Variants in SLC13A4 observed in about 807,000 individuals in gnomAD.
The protein encoded by SLC13A4 is solute carrier family 13 member 4.
A neutral mutation model predicts 72.7 loss-of-function variants in SLC13A4; 28 were observed. The observed-to-expected ratio is 0.39, with a 90% CI of 0.29 to 0.53. The LOEUF (loss-of-function observed/expected upper bound fraction) is 0.53. SLC13A4 is among the 20% of genes least tolerant of loss of function. The probability of loss-of-function intolerance (pLI) is 0.78; values close to 1 mark genes in which losing one functional copy is unlikely to be tolerated. For missense variants in SLC13A4, 653 were observed against 788.0 expected, an observed-to-expected ratio of 0.83 and a Z score of 2.05; for synonymous variants, 312 against 325.5, an observed-to-expected ratio of 0.96 and a Z score of 0.45.
chr7:135,725,006 T>C (rs780841810), intron 1 of SLC13A4, among the ~76,000 whole-genome samples: 11 of 152,222 alleles, frequency 7.2e-5, no homozygotes, highest in Non-Finnish European at 1.0e-4. Flanking sequence ...GGCTGTCAGG[T>C]CTCGCTCATC....
chr7:135,684,277 C>T lies in SLC13A4; in HGVS notation c.1609-16G>A. 1 of 1,582,562 alleles carries T rather than the reference C, an allele frequency of 6.3e-7. No homozygotes were observed. The highest frequency in any genetic ancestry group is 8.6e-7 in the Non-Finnish European group (1 of 1,159,968). On this transcript the variant is annotated splice_polypyrimidine_tract_variant and intron_variant, in intron 14 of 15. Coordinates refer to ENST00000682651, the MANE Select transcript of SLC13A4 (RefSeq NM_001318192.2). Reference sequence around the variant, plus strand: ...GCGTTTCAGACTAGAAGAGAGAATTCACAGAAACATTCACGAGATTAGGCT... The same window carrying T: ...GCGTTTCAGACTAGAAGAGAGAATTTACAGAAACATTCACGAGATTAGGCT...
At chr7:135,717,577 C>T (rs1796457650) in intron 2 of SLC13A4, among the ~76,000 whole-genome samples, 1 of 152,206 alleles carries the variant, frequency 6.6e-6, no homozygotes, top group Admixed American at 6.5e-5. Context: ...GCCCTTCTGT[C>T]ATTTTGTATC....
rs147911066 is a variant in SLC13A4 at position 135,689,808 on chromosome 7, C to T, written c.1446+1393G>A. On this transcript the variant is annotated intron_variant, in intron 13 of 15. Coordinates refer to ENST00000682651, the MANE Select transcript of SLC13A4 (RefSeq NM_001318192.2). ...CTCACCATGGGCAGGAGATAGGACT[C>T]ATTGTTTTCTAAGGTTCTCCTTAGT... Among the ~76,000 whole-genome samples the T allele has an allele frequency of 3.5e-4, 54 of 152,176 alleles. 1 individual carries two copies. The East Asian group carries it at 8.9e-3, about 25-fold the overall frequency.
chr7:135,692,705 G>T, intron 10 of SLC13A4: 1 of 345,008 alleles, frequency 2.9e-6, no homozygotes, highest in South Asian at 3.8e-5. Context: ...CCTACAAGGA[G>T]AGTGCAGTGA....
At chr7:135,716,636 G>T (rs146602543) in intron 2 of SLC13A4, among the ~76,000 whole-genome samples, 1 of 152,312 alleles carries the variant, frequency 6.6e-6, no homozygotes, top group Non-Finnish European at 1.5e-5. Flanking sequence ...TTCAACGGAG[G>T]ATTTTGGTCA....
chr7:135,721,639 A>G, intron 1 of SLC13A4, 116 bp from the exon 2 acceptor site: 3 of 1,379,020 alleles, frequency 2.2e-6, no homozygotes, highest in East Asian at 2.5e-5. Flanking sequence ...GTACTAGGAT[A>G]CAGCCCAGGG....
intron 9 of SLC13A4, 45 bp downstream of exon 9, chr7:135,695,323 A>G: frequency 6.2e-7 from 1 of 1,611,120 alleles, no homozygotes; most frequent in South Asian, 1.1e-5. Context: ...CCTTTGGATC[A>G]ACAGGGGGGC....
At position 135,723,855 on chromosome 7, in the gene SLC13A4, A is replaced by T. The variant is rs1355436668; in HGVS notation, c.100-2332T>A. Among the ~76,000 whole-genome samples the T allele has an allele frequency of 5.9e-4, 90 of 152,310 alleles. 1 individual carries two copies. The highest frequency in any genetic ancestry group is 4.7e-4 in the Non-Finnish European group (32 of 68,040). On this transcript the variant is annotated intron_variant, in intron 1 of 15. Coordinates refer to ENST00000682651, the MANE Select transcript of SLC13A4 (RefSeq NM_001318192.2). ...CTGAGATGTTCTCTGGGGCCAAAAG[A>T]TCAGAGGGAAGATAAAACTTTTGGA...
At chr7:135,689,306 G>T (rs576199965) in intron 13 of SLC13A4, among the ~76,000 whole-genome samples, 4 of 152,116 alleles carry the variant, frequency 2.6e-5, no homozygotes, top group African/African-American at 4.8e-5. Context: ...AAATATTGAT[G>T]GCATATATAT....
rs190528375 is a variant in SLC13A4, at chr7:135,705,612, T to A, written c.577A>T (p.Ile193Phe). Residue 193 changes from isoleucine to phenylalanine, a missense_variant, in exon 5 of 16, where the codon ATC becomes TTC. Transcript: ENST00000682651. Reference protein sequence around the residue: ...VKNSQPSLELIFVNEDRSNAD... With the variant: ...VKNSQPSLELFFVNEDRSNAD... ...CATACTCACTCTTCATTGACAAAGA[T>A]GAGTTCCAGAGAAGGTTGGCTGTTC... The A allele has an allele frequency of 6.2e-7, 1 of 1,613,832 alleles. No individual in the cohort carries two copies. The highest frequency in any genetic ancestry group is 2.2e-5 in the East Asian group (1 of 44,884).
chr7:135,682,256 C>A (rs1444824363), intron 15 of SLC13A4, among the ~76,000 whole-genome samples: 2 of 152,130 alleles, frequency 1.3e-5, no homozygotes, highest in Non-Finnish European at 2.9e-5. Flanking sequence ...TGGAATGGAG[C>A]CTTTGCTTCT....
chr7:135,688,690 A>T (rs1185962558), intron 13 of SLC13A4, among the ~76,000 whole-genome samples: 1 of 152,240 alleles, frequency 6.6e-6, no homozygotes. Flanking sequence ...AACTCTTGGT[A>T]TGAAAACATT....
chr7:135,702,907 G>A (rs202226956), intron 5 of SLC13A4, 23 bp from the exon 6 acceptor site: 2 of 1,606,562 alleles, frequency 1.2e-6, no homozygotes, highest in Non-Finnish European at 1.7e-6. Context: ...AGAGGACACA[G>A]GAGCCACGTC....
intron 5 of SLC13A4, chr7:135,703,216 A>G (rs1796081467): frequency 6.7e-6 from 2 of 297,546 alleles, no homozygotes; most frequent in Non-Finnish European, 1.3e-5. Flanking sequence ...TCCTCATCAC[A>G]GATCTATGGT....
At chr7:135,709,469 G>A (rs961335458) in intron 2 of SLC13A4, among the ~76,000 whole-genome samples, 3 of 149,626 alleles carry the variant, frequency 2.0e-5, no homozygotes, top group Non-Finnish European at 4.4e-5. Context: ...ACCCAGGCTG[G>A]AGTGCAGTGG....
In SLC13A4 at chr7:135,691,297, G is replaced by T; in HGVS notation, c.1350C>A (p.Thr450=). 1 of 1,613,496 alleles carries T rather than the reference G, an allele frequency of 6.2e-7. No homozygotes were observed. Among genetic ancestry groups the T allele is most frequent in the Non-Finnish European group, 8.5e-7 (1 of 1,179,754 alleles). ...DGENQEHSLG[T]EPIITWKDFQ... is the part of the protein sequence containing the mutation. Reference sequence around the variant, plus strand: ...AGTCCTTCCACGTGATGATGGGCTCGGTCCCCAGTGAGTGCTCCTGGTTCT... The same window carrying T: ...AGTCCTTCCACGTGATGATGGGCTCTGTCCCCAGTGAGTGCTCCTGGTTCT... Residue 450 remains threonine (T), a synonymous_variant, in exon 13 of 16, where the codon ACC becomes ACA. Coordinates refer to ENST00000682651, the MANE Select transcript of SLC13A4 (RefSeq NM_001318192.2).
intron 6 of SLC13A4, 190 bp from the exon 7 acceptor site, chr7:135,701,950 T>C (rs3112342): frequency 0.66 from 351,538 of 531,168 alleles, 117,931 homozygotes; most frequent in East Asian, 0.86. Context: ...TGGTGTCAAG[T>C]TCTCCACTTG....
Position 135,706,167 on chromosome 7 carries a change from C to T in SLC13A4, c.499G>A (p.Val167Met), listed in dbSNP as rs751001670. ...TCTTCGGTGTTGGAGTTGCCCGCCA[C>T]GAGCTGCTCGTCCTCAGCACTGACC... The part of the protein sequence containing the change: ...ELVSAEDEQL[V>M]AGNSNTEEAE... Residue 167 changes from valine (V) to methionine (M), a missense_variant, in exon 4 of 16, where the codon GTG (valine) becomes ATG (methionine). Coordinates refer to ENST00000682651, the MANE Select transcript of SLC13A4 (RefSeq NM_001318192.2). 14 of 1,608,326 alleles carry T rather than the reference C, an allele frequency of 8.7e-6. No individual in the cohort carries two copies. Among genetic ancestry groups the T allele is most frequent in the South Asian group, 7.7e-5 (7 of 90,836 alleles).
At chr7:135,684,012 A>G (rs2129493676) in intron 15 of SLC13A4, 112 bp downstream of exon 15, 1 of 1,276,562 alleles carries the variant, frequency 7.8e-7, no homozygotes, top group South Asian at 1.9e-5. Context: ...TGGGTTTAGC[A>G]TTGACAGGCC....
Sources: allele counts gnomAD v4.1 joint callset (sites outside exome capture counted in the v4.1 genomes callset), GRCh38; gene constraint gnomAD v4.1.1; transcripts MANE v1.5; gene names NCBI Gene and HGNC (gene_info 2026-07-23, HGNC 2026-07-21).